Variants in NXPE1 observed in about 807,000 individuals in gnomAD.
NXPE1 encodes NXPE family member 1.
Under a neutral mutation model 33.3 loss-of-function variants are expected in NXPE1, and 31 were observed. The ratio of observed to expected loss-of-function variants is 0.93; its 90% CI spans 0.70 to 1.26. The LOEUF (loss-of-function observed/expected upper bound fraction) is 1.26. Ranked by LOEUF, NXPE1 falls within the 50% of genes most tolerant of loss-of-function variation. The pLI is 0.00. For synonymous variants in NXPE1, 229 were observed against 231.4 expected (o/e 0.99, Z 0.09); for missense variants, 661 against 655.6 (o/e 1.01, Z -0.09).
rs981972224 is a variant in NXPE1, at chr11:114,521,673, A to T, written c.*295T>A. 13 of 297,722 alleles carry T rather than the reference A, an allele frequency of 4.4e-5. No homozygotes were observed. The Middle Eastern group carries it at 3.1e-3, about 70-fold the overall frequency. The allele number at this position is 297,722 out of a possible 1,614,324, so 18.4% of individuals were successfully genotyped here. On this transcript the variant is annotated 3_prime_UTR_variant, in exon 9 of 9. Coordinates refer to ENST00000534921, the Ensembl canonical transcript of NXPE1. ...AATATCTATATTGGAAATAGAAAGC[A>T]TCATGAATTTGTACAGATATTTTCA... is the stretch of plus-strand genomic sequence containing the variant.
At position 114,545,044 on chromosome 11, in the gene NXPE1, T is replaced by A. The variant is rs573999061; in HGVS notation, c.99+6059A>T. Reference sequence around the variant, plus strand: ...CATATCAATTAGAATGGCTAAAATTTAAAAAAAAACCTGACAATACCAGTT... The same window carrying A: ...CATATCAATTAGAATGGCTAAAATTAAAAAAAAAACCTGACAATACCAGTT... On this transcript the variant is annotated intron_variant, in intron 5 of 8. Coordinates refer to ENST00000534921, the Ensembl canonical transcript of NXPE1. Among the ~76,000 whole-genome samples, 391 of 151,362 alleles carry A rather than the reference T, an allele frequency of 2.6e-3. 4 individuals are homozygous for A. Among genetic ancestry groups the A allele is most frequent in the Middle Eastern group, 0.01 (3 of 294 alleles).
At chr11:114,548,819 T>G (rs188226759) in intron 5 of NXPE1, among the ~76,000 whole-genome samples, 1 of 151,822 alleles carries the variant, frequency 6.6e-6, no homozygotes, top group Non-Finnish European at 1.5e-5. Flanking sequence ...GCAAAAGTAA[T>G]GCATTAAAAT....
At chr11:114,523,077 C>T (rs956443370) in exon 8 of NXPE1, 2 of 1,612,292 alleles carry the variant, frequency 1.2e-6, no homozygotes, top group Admixed American at 1.7e-5. Flanking sequence ...CATGTCTCTT[C>T]TATTTTTTCT....
At chr11:114,533,067 AC>A (rs1947644393) in intron 5 of NXPE1, among the ~76,000 whole-genome samples, 2 of 152,222 alleles carry the variant, frequency 1.3e-5, no homozygotes, top group Non-Finnish European at 2.9e-5. Context: ...GTTCAACATA[AC>A]GTTAGAAGTC....
At chr11:114,547,283 T>C (rs1380639323) in intron 5 of NXPE1, among the ~76,000 whole-genome samples, 1 of 152,224 alleles carries the variant, frequency 6.6e-6, no homozygotes, top group African/African-American at 2.4e-5. Flanking sequence ...CACTTAGCTC[T>C]GTGATCTTCC....
chr11:114,526,158 C>G (rs185189854), intron 7 of NXPE1, among the ~76,000 whole-genome samples: 327 of 152,280 alleles, frequency 2.1e-3, no homozygotes, highest in African/African-American at 7.3e-3. Flanking sequence ...GCCTTAAAAA[C>G]CTGGAATAAG....
chr11:114,553,480 A>C (rs1948572279), intron 1 of NXPE1, among the ~76,000 whole-genome samples: 1 of 152,178 alleles, frequency 6.6e-6, no homozygotes, highest in South Asian at 2.1e-4. Context: ...GTGGCCAGAG[A>C]GCTTCTTTGT....
intron 7 of NXPE1, 25 bp downstream of exon 7, chr11:114,527,815 C>G: frequency 6.4e-7 from 1 of 1,564,112 alleles, no homozygotes; most frequent in Non-Finnish European, 8.7e-7. Flanking sequence ...TGAGCATCAC[C>G]TAACTCAGGA....
At chr11:114,523,849 T>G (rs772776742) in intron 7 of NXPE1, among the ~76,000 whole-genome samples, 4 of 152,226 alleles carry the variant, frequency 2.6e-5, no homozygotes, top group Non-Finnish European at 5.9e-5. Context: ...TTAGGATTTG[T>G]TATATCAGGA....
rs77292976 is a variant in NXPE1 at position 114,523,110 on chromosome 11, G to A, written c.896-19C>T. ...TCTCTCTCTGGTAACAAAGACACTC[G>A]TAAATGATTTTATTGGCAAAACTTA... On this transcript the variant is annotated intron_variant, in intron 7 of 8. Coordinates refer to ENST00000534921, the Ensembl canonical transcript of NXPE1. The A allele has an allele frequency of 0.012, 19,021 of 1,576,050 alleles. 1,985 individuals carry two copies. In the African/African-American group the frequency reaches 0.22, roughly 19 times the overall value.
chr11:114,535,940 C>G (rs1947804740), intron 5 of NXPE1, among the ~76,000 whole-genome samples: 1 of 152,162 alleles, frequency 6.6e-6, no homozygotes, highest in Non-Finnish European at 1.5e-5. Context: ...ACCTAATAGA[C>G]ATCTACAGAA....
chr11:114,522,818 C>G (rs928886555), intron 8 of NXPE1, 61 bp downstream of exon 8: 1 of 1,195,600 alleles, frequency 8.4e-7, no homozygotes, highest in Non-Finnish European at 1.2e-6. Flanking sequence ...GAATAGAGAC[C>G]TCATTAAAAG....
chr11:114,531,329 T>C (rs1947575672), intron 5 of NXPE1, among the ~76,000 whole-genome samples: 3 of 152,170 alleles, frequency 2.0e-5, no homozygotes. Context: ...GTAACATCTG[T>C]ACCTTTTAGT....
intron 6 of NXPE1, among the ~76,000 whole-genome samples, chr11:114,528,347 C>T (rs1264551576): frequency 6.6e-6 from 1 of 152,166 alleles, no homozygotes; most frequent in Admixed American, 6.5e-5. Flanking sequence ...AATCCAACTG[C>T]ACTACTGCTT....
intron 5 of NXPE1, among the ~76,000 whole-genome samples, chr11:114,541,072 A>T (rs1262475627): frequency 6.6e-6 from 1 of 151,900 alleles, no homozygotes; most frequent in South Asian, 2.1e-4. Context: ...TCAGAACTCA[A>T]CTGAGATGTG....
chr11:114,523,454 T>C (rs1947277161), intron 7 of NXPE1, among the ~76,000 whole-genome samples: 1 of 152,210 alleles, frequency 6.6e-6, no homozygotes, highest in Non-Finnish European at 1.5e-5. Flanking sequence ...TTGGTGCCGC[T>C]GTATAAAATT....
chr11:114,529,039 T>C, intron 6 of NXPE1: 3 of 402,760 alleles, frequency 7.4e-6, no homozygotes, highest in Non-Finnish European at 1.3e-5. Context: ...GATTCTGGAA[T>C]GCATGTTATT....
downstream of NXPE1, among the ~76,000 whole-genome samples, chr11:114,519,561 C>T (rs1200094378): frequency 6.6e-6 from 1 of 152,022 alleles, no homozygotes; most frequent in East Asian, 1.9e-4. Context: ...ATTATTCTTT[C>T]CCGGGGTGTC....
intron 6 of NXPE1, 38 bp downstream of exon 6, chr11:114,530,137 A>G (rs1210128188): frequency 1.3e-6 from 2 of 1,546,626 alleles, no homozygotes; most frequent in South Asian, 1.3e-5. Flanking sequence ...GGCACTTCTC[A>G]GGGGACACTT....
Sources: gnomAD v4.1 joint callset for allele counts (sites outside exome capture counted in the v4.1 genomes callset) on GRCh38, gnomAD v4.1.1 for gene constraint, MANE v1.5 for transcripts, NCBI Gene and HGNC (gene_info 2026-07-23, HGNC 2026-07-21) for gene names.